The following CDCA2 variants were observed in gnomAD, a reference collection of about 807,000 sequenced individuals.
CDCA2 encodes cell division cycle associated 2, also known as cell division cycle-associated protein 2.
In CDCA2, 44 loss-of-function variants were observed where a neutral mutation model predicts 67.0. The ratio of observed to expected loss-of-function variants is 0.66; its 90% CI spans 0.52 to 0.84. The LOEUF is 0.84. CDCA2 is among the 40% of genes least tolerant of loss of function. CDCA2 has a pLI of 0.00. For missense variants in CDCA2, 1,253 were observed against 1,203.2 expected, an observed-to-expected ratio of 1.04 and a Z score of -0.61; for synonymous variants, 447 against 418.7, an observed-to-expected ratio of 1.07 and a Z score of -0.82.
At chr8:25,494,068 T>A (rs1187584934) in intron 13 of CDCA2, among the ~76,000 whole-genome samples, 3 of 152,176 alleles carry the variant, frequency 2.0e-5, no homozygotes, top group Non-Finnish European at 2.9e-5. Context: ...CTGTAGAAAG[T>A]TGTGAAGAGA....
intron 13 of CDCA2, among the ~76,000 whole-genome samples, chr8:25,496,129 C>T (rs1378781241): frequency 6.6e-5 from 10 of 152,020 alleles, no homozygotes; most frequent in Non-Finnish European, 4.4e-5. Context: ...GGGTCTGTAC[C>T]AGAGTACAAG....
At chr8:25,461,268 CAAAAAAAAAA>C (rs61333775) in intron 3 of CDCA2, among the ~76,000 whole-genome samples, 2 of 95,948 alleles carry the variant, frequency 2.1e-5, no homozygotes, top group Non-Finnish European at 4.0e-5. Context: ...ACTCTGTCTC[CAAAAAAAAAA>C]AAAAAAAAAA....
At chr8:25,492,134 T>G (rs1230849386) in intron 13 of CDCA2, among the ~76,000 whole-genome samples, 13 of 138,432 alleles carry the variant, frequency 9.4e-5, no homozygotes, top group African/African-American at 3.2e-4. Flanking sequence ...AGCGGGGGGT[T>G]GGGGGGTCTC....
At chr8:25,481,159 C>G (rs1803553064) in intron 8 of CDCA2, among the ~76,000 whole-genome samples, 1 of 151,216 alleles carries the variant, frequency 6.6e-6, no homozygotes, top group South Asian at 2.1e-4. Flanking sequence ...ATAGCTCACA[C>G]CTGTAATCCC....
chr8:25,500,251 C>CT (rs775778769), intron 13 of CDCA2, among the ~76,000 whole-genome samples: 32,328 of 132,956 alleles, frequency 0.24, 4,287 homozygotes, highest in East Asian at 0.56. Context: ...AAGAGGGGAT[C>CT]TTTTTTTTTT....
chr8:25,496,964 G>A (rs1362486567), intron 13 of CDCA2, among the ~76,000 whole-genome samples: 2 of 152,090 alleles, frequency 1.3e-5, no homozygotes, highest in Non-Finnish European at 1.5e-5. Flanking sequence ...TAGAAAGTTG[G>A]GGTTTTTAGT....
Position 25,506,558 on chromosome 8 carries a change from A to C in CDCA2, c.1892A>C (p.Asn631Thr), listed in dbSNP as rs1451451886. Residue 631 changes from asparagine (N) to threonine (T), a missense_variant, in exon 15 of 15, where the codon AAT (asparagine) becomes ACT (threonine). Asn to Thr is a moderately conservative substitution (Grantham distance 65). Coordinates refer to ENST00000330560, the MANE Select transcript of CDCA2 (RefSeq NM_152562.4). ...GKLEEVKTPKNPVKRKDLLRH... is the reference protein window; with the variant it reads ...GKLEEVKTPKTPVKRKDLLRH... ...CTGGAAGAAGTGAAGACTCCTAAAA[A>C]TCCAGTGAAAAGAAAGGATCTTTTG... 6 of 1,596,416 alleles carry C rather than the reference A, an allele frequency of 3.8e-6. No individual in the cohort carries two copies. The African/African-American group carries it at 6.8e-5, about 18-fold the overall frequency.
intron 13 of CDCA2, among the ~76,000 whole-genome samples, chr8:25,497,906 G>A (rs1348812642): frequency 1.3e-5 from 2 of 152,236 alleles, no homozygotes; most frequent in African/African-American, 2.4e-5. Context: ...CCAATTTATA[G>A]GACATGGAGG....
intron 8 of CDCA2, among the ~76,000 whole-genome samples, chr8:25,481,592 G>T (rs1363473581): frequency 6.6e-6 from 1 of 151,920 alleles, no homozygotes; most frequent in African/African-American, 2.4e-5. Context: ...CGGGAGGCTG[G>T]GGCAGGAGAA....
chr8:25,467,328 G>T (rs1237823498), intron 5 of CDCA2, among the ~76,000 whole-genome samples: 1 of 152,094 alleles, frequency 6.6e-6, no homozygotes, highest in Non-Finnish European at 1.5e-5. Context: ...CTCCCATGAG[G>T]ATTGCTCTGT....
At position 25,507,236 on chromosome 8, in the gene CDCA2, G is replaced by A. The variant is rs1274480184; in HGVS notation, c.2570G>A (p.Gly857Asp). 3.1e-6 allele frequency: 5 copies of A among 1,614,142 alleles called. No homozygotes were observed. The Admixed American group carries it at 5.0e-5, about 16-fold the overall frequency. The stretch of plus-strand genomic sequence containing the variant: ...AATCACACACCATCCTCCAGTGTGG[G>A]CAGCTCTGTAGAAATTAGTTTAGAA... ...NGNHTPSSSV[G>D]SSVEISLENS... is the part of the protein sequence containing the mutation. The change falls in exon 15 of 15, where the codon GGC becomes GAC. Residue 857 changes from glycine to aspartate, a missense_variant. Physicochemically the swap from Gly to Asp is moderately conservative, Grantham distance 94. Transcript: ENST00000330560.
chr8:25,468,151 A>C, intron 5 of CDCA2, 66 bp from the exon 6 acceptor site: 2 of 717,106 alleles, frequency 2.8e-6, no homozygotes, highest in Non-Finnish European at 3.8e-6. Context: ...AAAAGAAAAA[A>C]AATATATATA....
At chr8:25,491,893 G>A (rs1804019208) in intron 13 of CDCA2, among the ~76,000 whole-genome samples, 1 of 152,050 alleles carries the variant, frequency 6.6e-6, no homozygotes, top group African/African-American at 2.4e-5. Context: ...CACCTCCTGG[G>A]TTCAAGCAAT....
At chr8:25,503,127 CAA>C (rs1438325011) in intron 13 of CDCA2, among the ~76,000 whole-genome samples, 3 of 151,668 alleles carry the variant, frequency 2.0e-5, no homozygotes, top group Non-Finnish European at 4.4e-5. Context: ...ACCAAAAATA[CAA>C]AATAAAAAGC....
rs1332675964 is a variant in CDCA2, at chr8:25,507,588, G to A, written c.2922G>A (p.Arg974=). Residue 974 remains arginine (R), a synonymous_variant, in exon 15 of 15, where the codon AGG becomes AGA. Coordinates refer to ENST00000330560, the MANE Select transcript of CDCA2 (RefSeq NM_152562.4). ...AAGSSDEPGK[R]RKSFCISTLA... Reference sequence around the variant, plus strand: ...GTTCTTCCGATGAACCTGGTAAGAGGAGGAAGAGCTTTTGTATATCTACAC... The same window carrying A: ...GTTCTTCCGATGAACCTGGTAAGAGAAGGAAGAGCTTTTGTATATCTACAC... 2 of 1,614,214 alleles carry A rather than the reference G, an allele frequency of 1.2e-6. No homozygotes were observed. The highest frequency in any genetic ancestry group is 1.7e-5 in the Admixed American group (1 of 60,024).
At chr8:25,469,059 A>G (rs1276250005) in intron 6 of CDCA2, among the ~76,000 whole-genome samples, 2 of 152,236 alleles carry the variant, frequency 1.3e-5, no homozygotes, top group Admixed American at 6.5e-5. Flanking sequence ...CGCACGCGTG[A>G]ATGGAGAGCT....
chr8:25,504,488 A>G (rs934885409), intron 14 of CDCA2, among the ~76,000 whole-genome samples: 3 of 152,128 alleles, frequency 2.0e-5, no homozygotes, highest in Non-Finnish European at 4.4e-5. Context: ...CATTTTTCAA[A>G]TGGCTACCTT....
intron 13 of CDCA2, 55 bp downstream of exon 13, chr8:25,488,744 G>A: frequency 7.2e-7 from 1 of 1,386,752 alleles, no homozygotes; most frequent in South Asian, 1.6e-5. Context: ...TTTCCTTATT[G>A]TATAATTAGG....
At chr8:25,475,601 A>ATT (rs2117501204) in intron 7 of CDCA2, among the ~76,000 whole-genome samples, 1 of 152,188 alleles carries the variant, frequency 6.6e-6, no homozygotes, top group East Asian at 1.9e-4. Context: ...GGGGCCAGAT[A>ATT]TTTCCTCTGT....
Sources: allele counts gnomAD v4.1 joint callset (sites outside exome capture counted in the v4.1 genomes callset), GRCh38; gene constraint gnomAD v4.1.1; transcripts MANE v1.5; gene names NCBI Gene and HGNC (gene_info 2026-07-23, HGNC 2026-07-21).